Variants in LRP2 observed in about 807,000 individuals in gnomAD.
LRP2 encodes the protein LDL receptor related protein 2.
LRP2 carries 172 observed loss-of-function variants against 531.0 expected under a neutral mutation model. That is an observed-to-expected ratio of 0.32 (90% confidence interval 0.29 to 0.37). The LOEUF (loss-of-function observed/expected upper bound fraction) is 0.37, where lower values mean the gene tolerates loss of function less well. LRP2 is among the 10% of genes least tolerant of loss of function. LRP2 has a pLI of 1.00. For missense variants in LRP2, 5,167 were observed against 5,868.3 expected, an observed-to-expected ratio of 0.88 and a Z score of 3.90; for synonymous variants, 1,992 against 2,027.6, an observed-to-expected ratio of 0.98 and a Z score of 0.47.
Position 169,150,774 on chromosome 2 carries a change from C to T in LRP2, c.12590+124G>A, listed in dbSNP as rs948257883. The T allele has an allele frequency of 7.2e-6, 8 of 1,114,780 alleles. No homozygotes were observed. The Admixed American group carries it at 9.7e-5, about 14-fold the overall frequency. 69.1% of individuals were successfully genotyped at this position (1,114,780 alleles called of 1,614,324 possible). ...ATAATTCTTGAAACAGTCATAGACG[C>T]TACTCCCAAAAACTTGAAGGACAAT... On this transcript the variant is annotated intron_variant, in intron 68 of 78. Coordinates refer to ENST00000649046, the MANE Select transcript of LRP2 (RefSeq NM_004525.3).
rs543770250 is a variant in LRP2 at position 169,226,343 on chromosome 2, G to T, written c.5394+79C>A. On this transcript the variant is annotated intron_variant, in intron 32 of 78. Transcript: ENST00000649046. ...TTTCCCTTTTACTCACATGACAAAA[G>T]TTTGCTTATAAGAAAACATCAGTGC... 53 of 1,174,924 alleles carry T rather than the reference G, an allele frequency of 4.5e-5. No homozygotes were observed. In the African/African-American group the frequency reaches 7.0e-4, roughly 16 times the overall value. 72.8% of individuals were successfully genotyped at this position (1,174,924 alleles called of 1,614,324 possible).
At chr2:169,315,253 T>C (rs1160148257) in intron 3 of LRP2, among the ~76,000 whole-genome samples, 1 of 152,212 alleles carries the variant, frequency 6.6e-6, no homozygotes, top group African/African-American at 2.4e-5. Context: ...GCACAATCCC[T>C]ACCCTCAAGA....
intron 68 of LRP2, among the ~76,000 whole-genome samples, chr2:169,149,959 G>C (rs1308504280): frequency 2.6e-5 from 4 of 152,054 alleles, no homozygotes; most frequent in Non-Finnish European, 4.4e-5. Flanking sequence ...CGGCACACTG[G>C]AAACAGTCAC....
chr2:169,269,019 T>C (rs1469386354), intron 16 of LRP2, among the ~76,000 whole-genome samples: 1 of 151,936 alleles, frequency 6.6e-6, no homozygotes, highest in Non-Finnish European at 1.5e-5. Flanking sequence ...TCAAAGAGAA[T>C]AAAATACCTA....
At chr2:169,227,707 C>A (rs1260214847) in intron 31 of LRP2, among the ~76,000 whole-genome samples, 2 of 152,124 alleles carry the variant, frequency 1.3e-5, no homozygotes, top group Admixed American at 1.3e-4. Flanking sequence ...TTTCACATCT[C>A]ATTAGCTTTT....
chr2:169,347,206 A>G (rs942791016), intron 1 of LRP2, among the ~76,000 whole-genome samples: 3 of 152,180 alleles, frequency 2.0e-5, no homozygotes, highest in African/African-American at 7.2e-5. Context: ...ACATTTCCAC[A>G]TTGTAATAGG....
At chr2:169,307,453 T>C (rs1684455965) in intron 3 of LRP2, 56 bp from the exon 4 acceptor site, 7 of 1,007,464 alleles carry the variant, frequency 6.9e-6, no homozygotes, top group Admixed American at 6.9e-5. Flanking sequence ...CACAGACTAA[T>C]CTATTGTCAT....
At chr2:169,265,998 A>T (rs1190106864) in intron 16 of LRP2, among the ~76,000 whole-genome samples, 1 of 152,056 alleles carries the variant, frequency 6.6e-6, no homozygotes, top group Non-Finnish European at 1.5e-5. Flanking sequence ...AAAATACATG[A>T]TTGTTATATT....
intron 30 of LRP2, 22 bp from the exon 31 acceptor site, chr2:169,231,864 G>C: frequency 1.2e-6 from 2 of 1,613,080 alleles, no homozygotes; most frequent in East Asian, 4.5e-5. Context: ...AGAGAAGAAA[G>C]CACCAGTAAG....
chr2:169,202,331 C>A (rs1460566013), intron 43 of LRP2, among the ~76,000 whole-genome samples: 1 of 152,104 alleles, frequency 6.6e-6, no homozygotes, highest in Non-Finnish European at 1.5e-5. Context: ...GAAATAATGA[C>A]CTTTGTGCTA....
At chr2:169,328,954 T>C (rs1685195150) in intron 1 of LRP2, among the ~76,000 whole-genome samples, 1 of 152,212 alleles carries the variant, frequency 6.6e-6, no homozygotes, top group South Asian at 2.1e-4. Flanking sequence ...AATGGCCCCA[T>C]TTCATAGATG....
intron 16 of LRP2, among the ~76,000 whole-genome samples, chr2:169,259,753 A>C (rs918920336): frequency 1.8e-4 from 28 of 152,122 alleles, no homozygotes; most frequent in African/African-American, 6.7e-4. Flanking sequence ...AACAAAAAAA[A>C]AAAAACGCTT....
chr2:169,233,429 G>A lies in LRP2; in HGVS notation c.5080C>T (p.Pro1694Ser). The A allele has an allele frequency of 6.2e-7, 1 of 1,614,166 alleles. No homozygotes were observed. Among genetic ancestry groups the A allele is most frequent in the Non-Finnish European group, 8.5e-7 (1 of 1,180,026 alleles). The change falls in exon 30 of 79, where the codon CCT becomes TCT. Residue 1694 changes from proline to serine, a missense_variant. Pro to Ser is a moderately conservative substitution (Grantham distance 74, BLOSUM62 -1). Transcript: ENST00000649046. Reference protein sequence around the residue: ...QWPLGIVAVHPSKQPNSVNPC... With the variant: ...QWPLGIVAVHSSKQPNSVNPC... ...CACTCACAATTTGGTTGTTTCGAAGGATGAACCGCAACAATCCCAAGGGGC... is the reference window on the plus strand; with the variant it reads ...CACTCACAATTTGGTTGTTTCGAAGAATGAACCGCAACAATCCCAAGGGGC...
intron 9 of LRP2, among the ~76,000 whole-genome samples, chr2:169,286,678 CTAGG>C (rs1057359175): frequency 3.3e-5 from 5 of 152,120 alleles, no homozygotes; most frequent in African/African-American, 1.2e-4. Context: ...TATCTGGGCT[CTAGG>C]GTGGAACAAA....
intron 1 of LRP2, among the ~76,000 whole-genome samples, chr2:169,325,395 G>A (rs1213348335): frequency 6.6e-6 from 1 of 152,148 alleles, no homozygotes; most frequent in African/African-American, 2.4e-5. Context: ...ACAAATTTAA[G>A]AGGCAATTCC....
chr2:169,170,465 C>T, intron 59 of LRP2, 86 bp downstream of exon 59: 1 of 1,015,928 alleles, frequency 9.8e-7, no homozygotes. Flanking sequence ...AATAATTTTC[C>T]TCTAAAAGCC....
intron 16 of LRP2, among the ~76,000 whole-genome samples, chr2:169,260,766 G>A (rs1246058548): frequency 6.6e-6 from 1 of 151,862 alleles, no homozygotes; most frequent in Non-Finnish European, 1.5e-5. Flanking sequence ...ATCAAAGGCA[G>A]GAAAGGTGTG....
chr2:169,347,969 T>C (rs1685739137), intron 1 of LRP2, among the ~76,000 whole-genome samples: 1 of 152,226 alleles, frequency 6.6e-6, no homozygotes, highest in South Asian at 2.1e-4. Flanking sequence ...TACAGAGGAC[T>C]ATCTTCCACT....
chr2:169,303,172 C>T (rs1684328123), intron 4 of LRP2, among the ~76,000 whole-genome samples: 1 of 152,016 alleles, frequency 6.6e-6, no homozygotes, highest in East Asian at 1.9e-4. Context: ...ACACTTCATG[C>T]TTCTTTTGTA....
Sources: gnomAD v4.1 joint callset for allele counts (sites outside exome capture counted in the v4.1 genomes callset) on GRCh38, gnomAD v4.1.1 for gene constraint, MANE v1.5 for transcripts, NCBI Gene and HGNC (gene_info 2026-07-23, HGNC 2026-07-21) for gene names.